SGSM1: variants seen among roughly 807,000 people sequenced by gnomAD.
The protein encoded by SGSM1 is RUN and TBC1 domain containing 2.
Under a neutral mutation model 133.8 loss-of-function variants are expected in SGSM1, and 73 were observed. The observed-to-expected ratio is 0.55, with a 90% CI of 0.45 to 0.66. The LOEUF (loss-of-function observed/expected upper bound fraction) is 0.66. Among genes scored for constraint, SGSM1 ranks in the 30% least tolerant of loss-of-function variants. The probability of loss-of-function intolerance (pLI) is 0.00; values close to 1 mark genes in which losing one functional copy is unlikely to be tolerated. For synonymous variants in SGSM1, 563 were observed against 573.0 expected (o/e 0.98, Z 0.25); for missense variants, 1,213 against 1,448.1 (o/e 0.84, Z 2.64).
At chr22:24,907,232 C>A (rs1469132477) in intron 21 of SGSM1, among the ~76,000 whole-genome samples, 1 of 151,106 alleles carries the variant, frequency 6.6e-6, no homozygotes, top group African/African-American at 2.4e-5. Context: ...TACACTCCAG[C>A]CTGGGTGACA....
intron 2 of SGSM1, among the ~76,000 whole-genome samples, chr22:24,832,450 C>T (rs1191775585): frequency 2.6e-5 from 4 of 152,136 alleles, no homozygotes; most frequent in South Asian, 2.1e-4. Flanking sequence ...TACTATATGA[C>T]CTTGGGCATG....
At chr22:24,912,065 GAAAA>G (rs113285331) in intron 21 of SGSM1, among the ~76,000 whole-genome samples, 3 of 140,578 alleles carry the variant, frequency 2.1e-5, no homozygotes, top group East Asian at 2.1e-4. Context: ...AAAAAAAAAG[GAAAA>G]AAAAAAAAAA....
At chr22:24,882,922 G>A in intron 14 of SGSM1, among the ~76,000 whole-genome samples, 1 of 149,710 alleles carries the variant, frequency 6.7e-6, no homozygotes, top group East Asian at 2.0e-4. Flanking sequence ...TTTTGAGACA[G>A]AGTCTCGCTC....
chr22:24,904,470 C>T (rs954899740), intron 20 of SGSM1, among the ~76,000 whole-genome samples: 1 of 151,458 alleles, frequency 6.6e-6, no homozygotes, highest in Admixed American at 6.6e-5. Context: ...GTCCCAGCTA[C>T]TCGGGAGGCT....
At chr22:24,838,868 TAGTC>T (rs1448126908) in intron 2 of SGSM1, among the ~76,000 whole-genome samples, 2 of 151,950 alleles carry the variant, frequency 1.3e-5, no homozygotes, top group African/African-American at 2.4e-5. Flanking sequence ...GACTGTTTGA[TAGTC>T]AGGGTTCCAT....
chr22:24,884,228 G>A (rs1932486518), intron 15 of SGSM1, 30 bp downstream of exon 15: 2 of 1,594,280 alleles, frequency 1.3e-6, no homozygotes, highest in South Asian at 2.2e-5. Context: ...GGTCTGCAGT[G>A]ATGCAGAGGC....
chr22:24,873,708 C>T (rs1931877799), intron 12 of SGSM1, among the ~76,000 whole-genome samples: 1 of 152,176 alleles, frequency 6.6e-6, no homozygotes, highest in African/African-American at 2.4e-5. Context: ...AAAACATTAG[C>T]TGGCCATGCT....
intron 2 of SGSM1, among the ~76,000 whole-genome samples, chr22:24,827,525 C>T (rs951170758): frequency 2.6e-4 from 40 of 152,122 alleles, no homozygotes; most frequent in Admixed American, 1.7e-3. Flanking sequence ...CCTGACTAGC[C>T]AGCAGGTGGG....
Position 24,900,382 on chromosome 22 carries a change from T to C in SGSM1, c.2611-1451T>C, listed in dbSNP as rs76095500. The stretch of plus-strand genomic sequence containing the variant: ...TTCTTTCTTTCTTTCTTTCTTTCTT[T>C]CTTTCTTTCTTTCTTTCTTTCTTTC... On this transcript the variant is annotated intron_variant, in intron 19 of 24. Coordinates refer to ENST00000400358, the MANE Select transcript of SGSM1 (RefSeq NM_001098497.3). Among the ~76,000 whole-genome samples the C allele has an allele frequency of 8.8e-4, 64 of 72,986 alleles. 1 individual carries two copies. Among genetic ancestry groups the C allele is most frequent in the African/African-American group, 2.9e-3 (60 of 20,574 alleles). The allele number at this position is 72,986 out of a possible 152,430, so 47.9% of individuals were successfully genotyped here. A position where few individuals can be genotyped will look rare whatever the true frequency, so the allele number is the denominator to read the frequency against.
At chr22:24,811,715 TAAA>T (rs1429668549) in intron 2 of SGSM1, among the ~76,000 whole-genome samples, 2 of 151,128 alleles carry the variant, frequency 1.3e-5, no homozygotes, top group African/African-American at 2.4e-5. Context: ...GAAAACAAAA[TAAA>T]AATAGCCAGG....
intron 2 of SGSM1, among the ~76,000 whole-genome samples, chr22:24,832,940 CT>C (rs376040633): frequency 0.2 from 29,967 of 146,734 alleles, 2,985 homozygotes; most frequent in Admixed American, 0.28. Context: ...TAAATTTCCT[CT>C]TTTTTTTTTT....
Position 24,883,341 on chromosome 22 carries a change from T to C in SGSM1, c.1496-712T>C, listed in dbSNP as rs115722468. Among the ~76,000 whole-genome samples, 346 of 152,342 alleles carry C rather than the reference T, an allele frequency of 2.3e-3. 1 individual carries two copies. Among genetic ancestry groups the C allele is most frequent in the African/African-American group, 7.7e-3 (320 of 41,588 alleles). ...CCTTTCTTTTGGATAAATATTCAGCTGCAATTTGAACAGGAGTTGTCCACG... is the reference window on the plus strand; with the variant it reads ...CCTTTCTTTTGGATAAATATTCAGCCGCAATTTGAACAGGAGTTGTCCACG... On this transcript the variant is annotated intron_variant, in intron 14 of 24. Coordinates refer to ENST00000400358, the MANE Select transcript of SGSM1 (RefSeq NM_001098497.3).
chr22:24,822,256 A>C (rs1928526931), intron 2 of SGSM1, among the ~76,000 whole-genome samples: 1 of 151,624 alleles, frequency 6.6e-6, no homozygotes, highest in Non-Finnish European at 1.5e-5. Context: ...ACGCCCGGCC[A>C]ATTTTTTTTG....
At chr22:24,885,252 C>G (rs1457437780) in intron 15 of SGSM1, among the ~76,000 whole-genome samples, 2 of 151,718 alleles carry the variant, frequency 1.3e-5, no homozygotes, top group Non-Finnish European at 2.9e-5. Flanking sequence ...TTTCCTAGAG[C>G]TGAGTCAAGA....
At chr22:24,855,898 C>A in intron 8 of SGSM1, 1 of 720,310 alleles carries the variant, frequency 1.4e-6, no homozygotes, top group Non-Finnish European at 2.4e-6. Context: ...TCCATCCATC[C>A]ACCCATTGTC....
chr22:24,912,214 C>T (rs1702789168), intron 21 of SGSM1, among the ~76,000 whole-genome samples: 1 of 152,040 alleles, frequency 6.6e-6, no homozygotes, highest in African/African-American at 2.4e-5. Flanking sequence ...ATTCAGTACA[C>T]GCTAAGGAAA....
At chr22:24,913,424 A>C (rs1190960893) in intron 22 of SGSM1, among the ~76,000 whole-genome samples, 1 of 152,134 alleles carries the variant, frequency 6.6e-6, no homozygotes, top group African/African-American at 2.4e-5. Flanking sequence ...TTCTGGTGCA[A>C]GCTCGATTTT....
Position 24,886,664 on chromosome 22 carries a change from A to G in SGSM1, c.1706A>G (p.Lys569Arg). ...YYGGIQPEIR[K>R]AVWPFLLGHY... ...GGGGGCATCCAGCCTGAGATCCGCAAGGCCGTGTGGCCCTTCCTCCTGGGC... is the reference window on the plus strand; with the variant it reads ...GGGGGCATCCAGCCTGAGATCCGCAGGGCCGTGTGGCCCTTCCTCCTGGGC... Residue 569 changes from lysine (K) to arginine (R), a missense_variant, in exon 16 of 25, where the codon AAG (lysine) becomes AGG (arginine). Physicochemically the swap from Lys to Arg is conservative, Grantham distance 26 (BLOSUM62 2). Coordinates refer to ENST00000400358, the MANE Select transcript of SGSM1 (RefSeq NM_001098497.3). The G allele has an allele frequency of 1.3e-6, 2 of 1,566,472 alleles. No individual in the cohort carries two copies. Among genetic ancestry groups the G allele is most frequent in the East Asian group, 4.8e-5 (2 of 41,968 alleles).
intron 20 of SGSM1, among the ~76,000 whole-genome samples, chr22:24,903,300 C>G (rs1010975761): frequency 6.6e-6 from 1 of 151,620 alleles, no homozygotes; most frequent in Non-Finnish European, 1.5e-5. Context: ...TCTCCGCCTC[C>G]TGGGTTCAAG....
Sources: allele counts gnomAD v4.1 joint callset (sites outside exome capture counted in the v4.1 genomes callset), GRCh38; gene constraint gnomAD v4.1.1; transcripts MANE v1.5; gene names NCBI Gene and HGNC (gene_info 2026-07-23, HGNC 2026-07-21).